The following ZNF729 variants were observed in gnomAD, a reference collection of about 807,000 sequenced individuals.
ZNF729 encodes the protein zinc finger protein 729.
In ZNF729, 15 loss-of-function variants were observed where a neutral mutation model predicts 12.2. The ratio of observed to expected loss-of-function variants is 1.23; its 90% CI spans 0.82 to 1.89. The LOEUF is 1.89. Ranked by LOEUF, ZNF729 falls within the 40% of genes most tolerant of loss-of-function variation. The pLI, the probability that ZNF729 is intolerant of heterozygous loss-of-function variation, is 0.00. For missense variants in ZNF729, 1,540 were observed against 1,456.7 expected, an observed-to-expected ratio of 1.06 and a Z score of -0.93; for synonymous variants, 492 against 476.3, an observed-to-expected ratio of 1.03 and a Z score of -0.43.
intron 1 of ZNF729, among the ~76,000 whole-genome samples, chr19:22,286,825 C>T (rs369902527): frequency 7.2e-5 from 11 of 152,352 alleles, no homozygotes; most frequent in African/African-American, 2.4e-4. Flanking sequence ...GGCCGCGTCT[C>T]TCCGAGATTG....
chr19:22,307,535 G>C (rs906411888), intron 3 of ZNF729, among the ~76,000 whole-genome samples: 1 of 151,042 alleles, frequency 6.6e-6, no homozygotes, highest in African/African-American at 2.4e-5. Flanking sequence ...CCTGGGGTAT[G>C]GAGTTTGAGA....
chr19:22,291,161 A>C (rs1037991062), intron 1 of ZNF729, among the ~76,000 whole-genome samples: 17 of 152,210 alleles, frequency 1.1e-4, no homozygotes, highest in African/African-American at 4.1e-4. Flanking sequence ...AAGCTCTACA[A>C]ATTTGGTTCC....
chr19:22,315,773 C>G lies in ZNF729; in HGVS notation c.2356C>G (p.His786Asp). The G allele has an allele frequency of 6.2e-7, 1 of 1,609,654 alleles. No individual in the cohort carries two copies. Residue 786 changes from histidine (H) to aspartate (D), a missense_variant, in exon 4 of 4, where the codon CAT becomes GAT. His to Asp is a moderately conservative substitution (Grantham distance 81). Coordinates refer to ENST00000601693, the MANE Select transcript of ZNF729 (RefSeq NM_001242680.2). Reference sequence around the variant, plus strand: ...TAACAGTTTCTCAGCCCTTATGAAACATAAGGTAATTCATACTGGAGAGAA... The same window carrying G: ...TAACAGTTTCTCAGCCCTTATGAAAGATAAGGTAATTCATACTGGAGAGAA... The part of the protein sequence containing the change: ...AFNSFSALMK[H>D]KVIHTGEKPY...
intron 3 of ZNF729, among the ~76,000 whole-genome samples, chr19:22,312,478 T>TGTGTGTGTGTGTGTG (rs1568576354): frequency 9.8e-6 from 1 of 102,420 alleles, no homozygotes; most frequent in African/African-American, 5.1e-5. Flanking sequence ...GTGTGTGTGT[T>TGTGTGTGTGTGTGTG]TAGATAAAGA....
intron 1 of ZNF729, among the ~76,000 whole-genome samples, chr19:22,301,069 C>T (rs1192979060): frequency 1.3e-5 from 2 of 152,152 alleles, no homozygotes; most frequent in Non-Finnish European, 2.9e-5. Context: ...TCTTTTGAAG[C>T]TGTTTGCTAT....
In ZNF729 at chr19:22,317,045, C is replaced by A. The variant is rs780105613; in HGVS notation, c.3628C>A (p.His1210Asn). 4.4e-6 allele frequency: 7 copies of A among 1,607,896 alleles called. No homozygotes were observed. The Admixed American group carries it at 1.2e-4, about 27-fold the overall frequency. Residue 1210 changes from histidine to asparagine, a missense_variant, in exon 4 of 4, where the codon CAT becomes AAT. Coordinates refer to ENST00000601693, the MANE Select transcript of ZNF729 (RefSeq NM_001242680.2). ...ATACCTTATTAGACATAAAACAATT[C>A]ATACCAGAGAGAAACCTACAAATGT... ...CSYLIRHKTI[H>N]TREKPTNVKK...
chr19:22,296,941 C>A (rs986519215), intron 1 of ZNF729, among the ~76,000 whole-genome samples: 1 of 151,830 alleles, frequency 6.6e-6, no homozygotes, highest in Non-Finnish European at 1.5e-5. Context: ...AAGCTGTGGT[C>A]TTTGTGATTG....
intron 1 of ZNF729, chr19:22,299,906 G>A (rs1265470890): frequency 6.6e-6 from 1 of 152,314 alleles, no homozygotes; most frequent in Non-Finnish European, 1.5e-5. Flanking sequence ...GTTTATGTAA[G>A]ATGTGAGCTT....
At chr19:22,297,198 T>C (rs1968239308) in intron 1 of ZNF729, among the ~76,000 whole-genome samples, 1 of 152,162 alleles carries the variant, frequency 6.6e-6, no homozygotes, top group South Asian at 2.1e-4. Flanking sequence ...TCTACTATTG[T>C]GTCAGAATCT....
chr19:22,296,531 TTTACC>T (rs1437583971), intron 1 of ZNF729, among the ~76,000 whole-genome samples: 3 of 152,096 alleles, frequency 2.0e-5, no homozygotes, highest in African/African-American at 7.2e-5. Context: ...AATCTAGCTA[TTTACC>T]TTATTTATTT....
intron 1 of ZNF729, among the ~76,000 whole-genome samples, chr19:22,290,609 C>T (rs907450453): frequency 2.6e-5 from 4 of 152,026 alleles, no homozygotes; most frequent in African/African-American, 9.7e-5. Context: ...TTAGGAACTA[C>T]ATAAAATGGG....
At chr19:22,292,256 T>G (rs940532866) in intron 1 of ZNF729, among the ~76,000 whole-genome samples, 2 of 152,186 alleles carry the variant, frequency 1.3e-5, no homozygotes, top group African/African-American at 4.8e-5. Context: ...CCATGTGTTA[T>G]TATTTAGCTC....
chr19:22,314,095 T>C lies in ZNF729; in HGVS notation c.678T>C (p.His226=). The C allele has an allele frequency of 6.5e-7, 1 of 1,547,228 alleles. No homozygotes were observed. The highest frequency in any genetic ancestry group is 8.7e-7 in the Non-Finnish European group (1 of 1,147,310). ...AATCGTTCTCAACCCTTACTAAACA[T>C]AAGATAATTCATACTGAAGACAAAC... ...AFKSFSTLTK[H]KIIHTEDKPY... The change falls in exon 4 of 4, where the codon CAT becomes CAC. Residue 226 remains histidine (H), a synonymous_variant. Transcript: ENST00000601693.
At chr19:22,297,287 GTT>G (rs35796469) in intron 1 of ZNF729, among the ~76,000 whole-genome samples, 128 of 143,668 alleles carry the variant, frequency 8.9e-4, no homozygotes, top group Middle Eastern at 3.6e-3. Flanking sequence ...TTTCTCTTCT[GTT>G]TTTTTTTTTT....
intron 1 of ZNF729, among the ~76,000 whole-genome samples, chr19:22,293,492 C>CTTT (rs1181519048): frequency 6.0e-5 from 3 of 50,036 alleles, no homozygotes; most frequent in African/African-American, 3.2e-4. Flanking sequence ...AGCCTTTTGT[C>CTTT]TATTTTTTTT....
chr19:22,311,313 G>T (rs187102859), intron 3 of ZNF729, among the ~76,000 whole-genome samples: 5 of 152,136 alleles, frequency 3.3e-5, no homozygotes, highest in African/African-American at 4.8e-5. Context: ...CAGACTTTTT[G>T]ATGTAGGTGT....
Position 22,308,959 on chromosome 19 carries a change from T to C in ZNF729, c.253+4176T>C, listed in dbSNP as rs538310809. On this transcript the variant is annotated intron_variant, in intron 3 of 3. Transcript: ENST00000601693. ...TTTTATTGCATTTGCTTTTGGGTTC[T>C]TGTATATGAAATCCTTGGCTAAGCC... Among the ~76,000 whole-genome samples the C allele has an allele frequency of 7.2e-5, 11 of 152,358 alleles. No individual in the cohort carries two copies. In the South Asian group the frequency reaches 2.3e-3, roughly 32 times the overall value.
intron 1 of ZNF729, among the ~76,000 whole-genome samples, chr19:22,292,059 T>G (rs554607125): frequency 6.6e-6 from 1 of 152,282 alleles, no homozygotes; most frequent in South Asian, 2.1e-4. Context: ...AACTTTTATT[T>G]TTGATTCAGG....
chr19:22,303,732 T>C (rs762541886), intron 1 of ZNF729, 26 bp from the exon 2 acceptor site: 1 of 1,520,876 alleles, frequency 6.6e-7, no homozygotes, highest in South Asian at 1.1e-5. Flanking sequence ...GGGAAATGTA[T>C]ATGTGTCTTT....
Sources: gnomAD v4.1 joint callset for allele counts (sites outside exome capture counted in the v4.1 genomes callset) on GRCh38, gnomAD v4.1.1 for gene constraint, MANE v1.5 for transcripts, NCBI Gene and HGNC (gene_info 2026-07-23, HGNC 2026-07-21) for gene names.